KIF18A: variants seen among roughly 807,000 people sequenced by gnomAD.
The protein encoded by KIF18A is kinesin-like protein KIF18A.
In KIF18A, 67 loss-of-function variants were observed where a neutral mutation model predicts 103.3. That is an observed-to-expected ratio of 0.65 (90% CI 0.53 to 0.79). KIF18A has a LOEUF of 0.79. Among genes scored for constraint, KIF18A ranks in the 30% least tolerant of loss-of-function variants. The pLI is 0.00. For missense variants in KIF18A, 1,032 were observed against 1,062.5 expected (o/e 0.97, Z 0.40); for synonymous variants, 367 against 355.5 (o/e 1.03, Z -0.36).
chr11:28,074,305 A>T (rs529140479), intron 10 of KIF18A, among the ~76,000 whole-genome samples: 3 of 152,322 alleles, frequency 2.0e-5, no homozygotes, highest in Admixed American at 2.0e-4. Context: ...TGATAAATTA[A>T]TCCAATGAGA....
At chr11:28,100,248 A>T (rs114306988) in intron 1 of KIF18A, among the ~76,000 whole-genome samples, 99 of 152,214 alleles carry the variant, frequency 6.5e-4, no homozygotes, top group African/African-American at 2.2e-3. Context: ...ACAGACATCC[A>T]GGTGGAAATG....
chr11:28,040,831 A>G (rs1395809824), intron 13 of KIF18A, among the ~76,000 whole-genome samples: 1 of 151,532 alleles, frequency 6.6e-6, no homozygotes, highest in African/African-American at 2.4e-5. Context: ...TGAGACTTTA[A>G]CTCCTCAACA....
intron 11 of KIF18A, among the ~76,000 whole-genome samples, chr11:28,064,796 TG>T (rs1850897642): frequency 6.6e-6 from 1 of 152,086 alleles, no homozygotes; most frequent in African/African-American, 2.4e-5. Flanking sequence ...TAAATCTGAT[TG>T]GAAGAACATG....
intron 13 of KIF18A, among the ~76,000 whole-genome samples, chr11:28,042,235 T>C (rs1324670895): frequency 6.6e-6 from 1 of 151,822 alleles, no homozygotes; most frequent in African/African-American, 2.4e-5. Context: ...AGAGACAGTA[T>C]TGAAAATGAA....
At position 28,084,702 on chromosome 11, in the gene KIF18A, G is replaced by A. The variant is rs1380952339; in HGVS notation, c.1004C>T (p.Ser335Phe). 6.2e-7 allele frequency: 1 copy of A among 1,612,488 alleles called. No individual in the cohort carries two copies. The highest frequency in any genetic ancestry group is 8.5e-7 in the Non-Finnish European group (1 of 1,178,574). ...ATATGTGTCATCGTAGAATACAGAG[G>A]AAGGACTAACAGCAGCTATCATTAT... ...QTIMIAAVSPSSVFYDDTYNT... is the reference protein window; with the variant it reads ...QTIMIAAVSPFSVFYDDTYNT... Residue 335 changes from serine (S) to phenylalanine (F), a missense_variant, in exon 7 of 17, where the codon TCC (serine) becomes TTC (phenylalanine). Physicochemically the swap from Ser to Phe is radical, Grantham distance 155. Transcript: ENST00000263181.
At position 28,021,045 on chromosome 11, in the gene KIF18A, A is replaced by G. The variant is rs1850232409; in HGVS notation, c.*155T>C. On this transcript the variant is annotated 3_prime_UTR_variant, in exon 17 of 17. Transcript: ENST00000263181. ...TTTTAGAACACAAAAGAAGAAAACA[A>G]AGAGTTTCATTTTTCTGCTTGCTGA... 1.7e-6 allele frequency: 1 copy of G among 593,642 alleles called. No homozygotes were observed. The highest frequency in any genetic ancestry group is 6.3e-5 in the South Asian group (1 of 16,000). 36.8% of individuals were successfully genotyped at this position (593,642 alleles called of 1,614,324 possible). A position where few individuals can be genotyped will look rare whatever the true frequency, so the allele number is the denominator to read the frequency against.
At chr11:28,037,360 AAAAC>A (rs769282960) in intron 13 of KIF18A, among the ~76,000 whole-genome samples, 5 of 151,728 alleles carry the variant, frequency 3.3e-5, no homozygotes, top group African/African-American at 4.8e-5. Context: ...AAATATTCAC[AAAAC>A]AAACAAACAA....
intron 11 of KIF18A, among the ~76,000 whole-genome samples, chr11:28,067,295 A>G (rs1443551386): frequency 6.6e-6 from 1 of 152,106 alleles, no homozygotes; most frequent in Non-Finnish European, 1.5e-5. Flanking sequence ...GTATGCTTTT[A>G]TCAAGATATT....
At chr11:28,096,626 A>T (rs183026248) in intron 2 of KIF18A, among the ~76,000 whole-genome samples, 66 of 152,324 alleles carry the variant, frequency 4.3e-4, no homozygotes, top group Admixed American at 7.2e-4. Context: ...ATATCTTCTT[A>T]AAAATGGGAA....
At chr11:28,067,130 TC>T (rs1850942158) in intron 11 of KIF18A, among the ~76,000 whole-genome samples, 1 of 151,926 alleles carries the variant, frequency 6.6e-6, no homozygotes, top group Admixed American at 6.6e-5. Flanking sequence ...TACCAAACAC[TC>T]CAACTCCAAA....
intron 11 of KIF18A, among the ~76,000 whole-genome samples, chr11:28,064,945 G>C (rs1379552100): frequency 6.6e-6 from 1 of 152,028 alleles, no homozygotes; most frequent in Non-Finnish European, 1.5e-5. Flanking sequence ...ATTTATTCTA[G>C]GGAGAAGGCA....
chr11:28,026,417 A>T (rs1850321966), intron 15 of KIF18A, among the ~76,000 whole-genome samples: 1 of 151,848 alleles, frequency 6.6e-6, no homozygotes, highest in South Asian at 2.1e-4. Context: ...GAAAAAGAAG[A>T]TTAAAAAAAG....
chr11:28,044,461 T>C (rs1850603027), intron 13 of KIF18A, among the ~76,000 whole-genome samples: 1 of 152,126 alleles, frequency 6.6e-6, no homozygotes, highest in Non-Finnish European at 1.5e-5. Context: ...TAGTTACTCA[T>C]TAATAGTTTA....
At chr11:28,042,553 T>C (rs565483972) in intron 13 of KIF18A, among the ~76,000 whole-genome samples, 1 of 152,090 alleles carries the variant, frequency 6.6e-6, no homozygotes, top group African/African-American at 2.4e-5. Flanking sequence ...AAATGCAAAC[T>C]TGTAATGAAT....
intron 15 of KIF18A, among the ~76,000 whole-genome samples, chr11:28,028,833 A>G (rs997104292): frequency 4.6e-5 from 7 of 152,204 alleles, no homozygotes; most frequent in South Asian, 2.1e-4. Context: ...ACAATAAAAA[A>G]AGATAAAGGG....
In KIF18A at chr11:28,091,145, AATAAATACATACATAC is replaced by A. The variant is rs1231908513; in HGVS notation, c.588+248_588+263del. The stretch of plus-strand genomic sequence containing the variant: ...CACAAAATAAATAAATAAATAAATA[AATAAATACATACATAC>A]ATACATACATACATACATACATACG... On this transcript the variant is annotated intron_variant, in intron 4 of 16. Transcript: ENST00000263181. Among the ~76,000 whole-genome samples, 31 of 101,436 alleles carry A rather than the reference AATAAATACATACATAC, an allele frequency of 3.1e-4. No individual in the cohort carries two copies. The South Asian group carries it at 7.1e-3, about 23-fold the overall frequency. 66.5% of individuals were successfully genotyped at this position (101,436 alleles called of 152,430 possible).
chr11:28,055,939 G>C (rs1263773876), intron 13 of KIF18A, among the ~76,000 whole-genome samples: 1 of 152,016 alleles, frequency 6.6e-6, no homozygotes, highest in African/African-American at 2.4e-5. Flanking sequence ...GGGATAGGTT[G>C]CATGACCATA....
chr11:28,056,954 C>A, intron 13 of KIF18A: 1 of 377,962 alleles, frequency 2.6e-6, no homozygotes, highest in Admixed American at 4.0e-5. Context: ...AGAAAATTCC[C>A]CATAATGGAA....
intron 13 of KIF18A, among the ~76,000 whole-genome samples, chr11:28,058,335 G>A (rs376832591): frequency 1.3e-5 from 2 of 151,396 alleles, no homozygotes; most frequent in East Asian, 1.9e-4. Flanking sequence ...AAGAAGGATG[G>A]GAAGCAAAAT....
Sources: gnomAD v4.1 joint callset for allele counts (sites outside exome capture counted in the v4.1 genomes callset) on GRCh38, gnomAD v4.1.1 for gene constraint, MANE v1.5 for transcripts, NCBI Gene and HGNC (gene_info 2026-07-23, HGNC 2026-07-21) for gene names.